The following SEM1 variants were observed in gnomAD, a reference collection of about 807,000 sequenced individuals.
SEM1 encodes 26S proteasome complex subunit SEM1.
A neutral mutation model predicts 12.7 loss-of-function variants in SEM1; 3 were observed. That is an observed-to-expected ratio of 0.24 (90% CI 0.11 to 0.61). The LOEUF is 0.61. Ranked by LOEUF, SEM1 falls within the 20% of genes least tolerant of loss-of-function variation. The probability of loss-of-function intolerance (pLI) is 0.88; values close to 1 mark genes in which losing one functional copy is unlikely to be tolerated. For synonymous variants in SEM1, 30 were observed against 27.8 expected (o/e 1.08, Z -0.25); for missense variants, 59 against 81.3 (o/e 0.73, Z 1.06).
intron 2 of SEM1, among the ~76,000 whole-genome samples, chr7:96,674,849 A>G (rs1355108204): frequency 4.6e-5 from 7 of 152,194 alleles, no homozygotes; most frequent in Non-Finnish European, 8.8e-5. Flanking sequence ...AAAAATCAGC[A>G]GACTCTTGAC....
chr7:96,546,578 G>T (rs977523982), intron 2 of SEM1, among the ~76,000 whole-genome samples: 7 of 152,042 alleles, frequency 4.6e-5, no homozygotes, highest in African/African-American at 1.7e-4. Context: ...AATTAATTGA[G>T]CAGGAGAAAG....
exon 4 of SEM1, chr7:96,482,603 A>G (rs1802588237): frequency 6.6e-6 from 1 of 152,168 alleles, no homozygotes; most frequent in Admixed American, 6.6e-5. Flanking sequence ...ACCACTTGGT[A>G]CAGGAATTCC....
At chr7:96,689,001 CT>C in intron 2 of SEM1, 35 bp from the exon 3 acceptor site, 1 of 1,295,016 alleles carries the variant, frequency 7.7e-7, no homozygotes, top group Non-Finnish European at 1.1e-6. Flanking sequence ...ACTAGGTATT[CT>C]TTATAATAAA....
intron 1 of SEM1, among the ~76,000 whole-genome samples, chr7:96,494,728 G>T (rs1449747268): frequency 6.6e-6 from 1 of 151,866 alleles, no homozygotes; most frequent in Non-Finnish European, 1.5e-5. Flanking sequence ...AGGGGGTGGA[G>T]AGAGAGCAAA....
At chr7:96,518,618 G>A (rs544267568) in intron 2 of SEM1, among the ~76,000 whole-genome samples, 9 of 152,126 alleles carry the variant, frequency 5.9e-5, no homozygotes, top group South Asian at 2.1e-4. Flanking sequence ...TATTCATCAC[G>A]CAGCCCTTCA....
At chr7:96,702,757 A>G (rs773175462) in intron 1 of SEM1, among the ~76,000 whole-genome samples, 5 of 152,224 alleles carry the variant, frequency 3.3e-5, no homozygotes, top group Non-Finnish European at 7.3e-5. Context: ...ACACCACCTT[A>G]ATAGTGATTG....
At chr7:96,547,594 G>T (rs1023172154) in intron 2 of SEM1, among the ~76,000 whole-genome samples, 62 of 152,238 alleles carry the variant, frequency 4.1e-4, no homozygotes, top group African/African-American at 1.4e-3. Flanking sequence ...TTCACTGTCT[G>T]TCGTTTTTTA....
At chr7:96,499,079 T>C (rs947217692), upstream of SEM1, among the ~76,000 whole-genome samples, 18 of 152,200 alleles carry the variant, frequency 1.2e-4, no homozygotes, top group Non-Finnish European at 1.8e-4. Flanking sequence ...AATACATCAA[T>C]GAAGTAATCA....
intron 2 of SEM1, among the ~76,000 whole-genome samples, chr7:96,514,418 T>G (rs1804027089): frequency 6.6e-6 from 1 of 151,970 alleles, no homozygotes; most frequent in South Asian, 2.1e-4. Context: ...TTCTAGATAA[T>G]GCAACAAGAC....
chr7:96,590,316 G>A (rs1421433737), intron 2 of SEM1, among the ~76,000 whole-genome samples: 1 of 152,082 alleles, frequency 6.6e-6, no homozygotes, highest in Non-Finnish European at 1.5e-5. Flanking sequence ...CTAACAAATA[G>A]TTCATTTTTA....
At chr7:96,576,542 G>A (rs142241394) in intron 2 of SEM1, among the ~76,000 whole-genome samples, 23 of 151,962 alleles carry the variant, frequency 1.5e-4, no homozygotes, top group African/African-American at 5.1e-4. Context: ...CTTTTTTATG[G>A]TTTACAATGC....
At chr7:96,512,098 C>T (rs1377173955) in intron 2 of SEM1, among the ~76,000 whole-genome samples, 1 of 152,104 alleles carries the variant, frequency 6.6e-6, no homozygotes, top group Non-Finnish European at 1.5e-5. Context: ...CTTTTGGACA[C>T]TGTGCTCCTG....
intron 2 of SEM1, among the ~76,000 whole-genome samples, chr7:96,606,719 C>A (rs1807391509): frequency 6.6e-6 from 1 of 152,160 alleles, no homozygotes; most frequent in Non-Finnish European, 1.5e-5. Context: ...AGGCTACATT[C>A]AACAACTCCT....
chr7:96,584,747 C>T (rs973630838), intron 2 of SEM1, among the ~76,000 whole-genome samples: 2 of 152,070 alleles, frequency 1.3e-5, no homozygotes, highest in African/African-American at 4.8e-5. Context: ...CCCTTTCTTC[C>T]AGTTGACCGC....
chr7:96,586,921 A>T (rs1244493411), intron 2 of SEM1, among the ~76,000 whole-genome samples: 1 of 152,146 alleles, frequency 6.6e-6, no homozygotes, highest in Non-Finnish European at 1.5e-5. Flanking sequence ...GTTTTTAATC[A>T]CTTTGCTATA....
rs1333434093 is a variant in SEM1 at position 96,487,625 on chromosome 7, T to C, written c.13-1208A>G. 2.0e-5 allele frequency among the ~76,000 whole-genome samples: 3 copies of C among 149,890 alleles called. 1 individual carries two copies. Among genetic ancestry groups the C allele is most frequent in the African/African-American group, 5.1e-5 (2 of 39,286 alleles). ...AAGTATTCTTACCTGCATTTGACAG[T>C]AAAGGAACTAAATCCCAAAACTAGA... On this transcript the variant is annotated intron_variant, in intron 1 of 3. Coordinates refer to the SEM1 transcript ENST00000356686.
At chr7:96,513,241 TG>T (rs1381017471) in intron 2 of SEM1, among the ~76,000 whole-genome samples, 1 of 151,984 alleles carries the variant, frequency 6.6e-6, no homozygotes, top group Non-Finnish European at 1.5e-5. Context: ...AGGCACGGAA[TG>T]GAGTGTCTCT....
chr7:96,488,789 G>A (rs1388088326), intron 1 of SEM1, among the ~76,000 whole-genome samples: 1 of 152,030 alleles, frequency 6.6e-6, no homozygotes. Flanking sequence ...CTTGATTCTG[G>A]CAAAGAGCAT....
chr7:96,578,305 A>T (rs1806273056), intron 2 of SEM1, among the ~76,000 whole-genome samples: 1 of 152,000 alleles, frequency 6.6e-6, no homozygotes, highest in African/African-American at 2.4e-5. Context: ...AGACATTTAG[A>T]TACGCAATGA....
Sources: allele counts gnomAD v4.1 joint callset (sites outside exome capture counted in the v4.1 genomes callset), GRCh38; gene constraint gnomAD v4.1.1; transcripts MANE v1.5; gene names NCBI Gene and HGNC (gene_info 2026-07-23, HGNC 2026-07-21).